Variants in MEF2A observed in about 807,000 individuals in gnomAD.
MEF2A encodes myocyte-specific enhancer factor 2A.
MEF2A carries 28 observed loss-of-function variants against 55.8 expected under a neutral mutation model. The ratio of observed to expected loss-of-function variants is 0.50; its 90% CI spans 0.37 to 0.69. The LOEUF (loss-of-function observed/expected upper bound fraction) is 0.69, where lower values mean the gene tolerates loss of function less well. MEF2A is among the 30% of genes least tolerant of loss of function. MEF2A has a pLI of 0.00. For synonymous variants in MEF2A, 239 were observed against 227.1 expected (o/e 1.05, Z -0.47); for missense variants, 528 against 626.2 (o/e 0.84, Z 1.67).
At chr15:99,660,247 G>T (rs1189463130) in intron 4 of MEF2A, among the ~76,000 whole-genome samples, 1 of 152,162 alleles carries the variant, frequency 6.6e-6, no homozygotes, top group Non-Finnish European at 1.5e-5. Flanking sequence ...TGTTGCCCAG[G>T]CTGGAGTGCA....
At chr15:99,613,835 T>C (rs541969465) in intron 2 of MEF2A, among the ~76,000 whole-genome samples, 1 of 152,340 alleles carries the variant, frequency 6.6e-6, no homozygotes, top group East Asian at 1.9e-4. Flanking sequence ...TTCCACATGC[T>C]CTAGTTTCCC....
At chr15:99,616,889 A>G (rs967107017) in intron 2 of MEF2A, among the ~76,000 whole-genome samples, 2 of 152,134 alleles carry the variant, frequency 1.3e-5, no homozygotes, top group African/African-American at 2.4e-5. Flanking sequence ...ACCTGTCTGA[A>G]ACAGATAATT....
rs372056478 is a variant in MEF2A at position 99,703,348 on chromosome 15, T to C, written c.859-14T>C. On this transcript the variant is annotated splice_polypyrimidine_tract_variant and intron_variant, in intron 8 of 11. Transcript: ENST00000557942. The stretch of plus-strand genomic sequence containing the variant: ...CTTAGTAACTCTCTTATCCCTCTTA[T>C]GTGCTGAGTACAGTCGGAGGAAGAG... 134 of 1,612,674 alleles carry C rather than the reference T, an allele frequency of 8.3e-5. No homozygotes were observed. The highest frequency in any genetic ancestry group is 1.1e-4 in the Non-Finnish European group (127 of 1,179,196).
At chr15:99,567,997 G>A (rs1038481329) in intron 1 of MEF2A, among the ~76,000 whole-genome samples, 1 of 152,122 alleles carries the variant, frequency 6.6e-6, no homozygotes, top group African/African-American at 2.4e-5. Flanking sequence ...GAAGAGTGTG[G>A]TTCCAGTAGC....
chr15:99,585,968 C>T (rs960087360), intron 1 of MEF2A, among the ~76,000 whole-genome samples: 1 of 151,890 alleles, frequency 6.6e-6, no homozygotes, highest in East Asian at 1.9e-4. Context: ...TAGTGTCTGG[C>T]TTTTGTCCCT....
At chr15:99,699,004 C>T (rs1020076110) in intron 8 of MEF2A, among the ~76,000 whole-genome samples, 2 of 151,262 alleles carry the variant, frequency 1.3e-5, no homozygotes, top group African/African-American at 4.9e-5. Context: ...ACTGCTTGAG[C>T]CCAGGAGTTC....
chr15:99,658,591 A>G (rs906850883), intron 4 of MEF2A, among the ~76,000 whole-genome samples: 1 of 152,082 alleles, frequency 6.6e-6, no homozygotes, highest in Non-Finnish European at 1.5e-5. Context: ...AATCCCATGC[A>G]GAGTAAATGT....
At chr15:99,628,693 C>T (rs1286908069) in intron 2 of MEF2A, among the ~76,000 whole-genome samples, 2 of 152,090 alleles carry the variant, frequency 1.3e-5, no homozygotes, top group Admixed American at 1.3e-4. Context: ...ATTTTGCTAT[C>T]CTCCCCTATT....
intron 2 of MEF2A, among the ~76,000 whole-genome samples, chr15:99,626,443 C>T (rs1436516342): frequency 7.9e-5 from 12 of 151,058 alleles, no homozygotes; most frequent in African/African-American, 1.7e-4. Flanking sequence ...TTTTTTTTTC[C>T]GTTGTTTTTC....
intron 2 of MEF2A, among the ~76,000 whole-genome samples, chr15:99,626,482 C>G (rs2042072472): frequency 6.6e-6 from 1 of 151,942 alleles, no homozygotes. Flanking sequence ...TCTCTGCTCT[C>G]AAATTTGTTA....
chr15:99,597,713 C>T (rs780250452), intron 1 of MEF2A, among the ~76,000 whole-genome samples: 4 of 152,108 alleles, frequency 2.6e-5, no homozygotes, highest in Non-Finnish European at 5.9e-5. Flanking sequence ...CTCCCCTGGA[C>T]GCCCAGCTTT....
At chr15:99,704,164 A>G (rs1280291299) in intron 9 of MEF2A, among the ~76,000 whole-genome samples, 1 of 152,358 alleles carries the variant, frequency 6.6e-6, no homozygotes, top group South Asian at 2.1e-4. Context: ...TAGCATGGAC[A>G]AAGGTTAAGA....
chr15:99,644,866 T>C (rs922665937), intron 3 of MEF2A, among the ~76,000 whole-genome samples: 1 of 152,160 alleles, frequency 6.6e-6, no homozygotes, highest in Non-Finnish European at 1.5e-5. Flanking sequence ...TTGTATGGCA[T>C]GAGCTTCAGA....
chr15:99,627,297 A>G (rs762849121), intron 2 of MEF2A, among the ~76,000 whole-genome samples: 6 of 151,702 alleles, frequency 4.0e-5, no homozygotes, highest in Non-Finnish European at 7.4e-5. Flanking sequence ...ATGGATGCCT[A>G]TAGTCCCAGG....
At chr15:99,707,939 A>G (rs934913800) in intron 10 of MEF2A, among the ~76,000 whole-genome samples, 1 of 85,516 alleles carries the variant, frequency 1.2e-5, no homozygotes, top group African/African-American at 5.6e-5. Context: ...GGTTTTATTG[A>G]AAAAAAAAAA....
At position 99,581,024 on chromosome 15, in the gene MEF2A, C is replaced by T. The variant is rs549461852; in HGVS notation, c.-225+14920C>T. On this transcript the variant is annotated intron_variant, in intron 1 of 11. Coordinates refer to ENST00000557942, the MANE Select transcript of MEF2A (RefSeq NM_001319206.4). Reference sequence around the variant, plus strand: ...ATTAGTTCTCTTTTATGCCTTTTATCTATTTTTTTAACATGAGAGATTTAA... The same window carrying T: ...ATTAGTTCTCTTTTATGCCTTTTATTTATTTTTTTAACATGAGAGATTTAA... 2.6e-5 allele frequency among the ~76,000 whole-genome samples: 4 copies of T among 151,954 alleles called. No homozygotes were observed. The East Asian group carries it at 7.7e-4, about 29-fold the overall frequency.
intron 2 of MEF2A, among the ~76,000 whole-genome samples, chr15:99,621,824 C>G (rs1328666206): frequency 6.6e-6 from 1 of 152,062 alleles, no homozygotes; most frequent in Non-Finnish European, 1.5e-5. Flanking sequence ...GTTGATTGTA[C>G]ATAATCATTT....
At chr15:99,629,557 A>C (rs890062225) in intron 2 of MEF2A, among the ~76,000 whole-genome samples, 6 of 152,042 alleles carry the variant, frequency 3.9e-5, no homozygotes, top group African/African-American at 1.4e-4. Context: ...TGAGCTAGAA[A>C]GTTAGTCCTC....
intron 10 of MEF2A, among the ~76,000 whole-genome samples, chr15:99,707,938 GA>G (rs34161626): frequency 0.25 from 36,523 of 146,062 alleles, 4,794 homozygotes; most frequent in African/African-American, 0.34. Flanking sequence ...AGGTTTTATT[GA>G]AAAAAAAAAA....
Sources: gnomAD v4.1 joint callset for allele counts (sites outside exome capture counted in the v4.1 genomes callset) on GRCh38, gnomAD v4.1.1 for gene constraint, MANE v1.5 for transcripts, NCBI Gene and HGNC (gene_info 2026-07-23, HGNC 2026-07-21) for gene names.